Variants in THSD7B observed in about 807,000 individuals in gnomAD.
The protein encoded by THSD7B is thrombospondin type 1 domain containing 7B.
A neutral mutation model predicts 213.6 loss-of-function variants in THSD7B; 138 were observed. The ratio of observed to expected loss-of-function variants is 0.65; its 90% CI spans 0.56 to 0.74. The LOEUF (loss-of-function observed/expected upper bound fraction) is 0.74. Among genes scored for constraint, THSD7B ranks in the 30% least tolerant of loss-of-function variants. The pLI is 0.00. For synonymous variants in THSD7B, 742 were observed against 687.0 expected (o/e 1.08, Z -1.25); for missense variants, 1,931 against 1,991.5 (o/e 0.97, Z 0.58).
At chr2:137,065,840 C>G (rs367632169) in intron 3 of THSD7B, among the ~76,000 whole-genome samples, 50 of 152,212 alleles carry the variant, frequency 3.3e-4, no homozygotes, top group African/African-American at 1.1e-3. Context: ...CTGAATTGCT[C>G]TCTCCCATCC....
chr2:137,257,348 C>A (rs1003390537), intron 10 of THSD7B, among the ~76,000 whole-genome samples: 2 of 152,198 alleles, frequency 1.3e-5, no homozygotes, highest in Non-Finnish European at 2.9e-5. Context: ...CTCTTCCCTG[C>A]TCAACGGATT....
chr2:136,832,988 T>G (rs1269023025), intron 1 of THSD7B, among the ~76,000 whole-genome samples: 1 of 152,176 alleles, frequency 6.6e-6, no homozygotes, highest in African/African-American at 2.4e-5. Flanking sequence ...AAACCATCAC[T>G]CTTCTACTGA....
At chr2:137,279,454 G>T (rs1044638406) in intron 12 of THSD7B, among the ~76,000 whole-genome samples, 16 of 152,042 alleles carry the variant, frequency 1.1e-4, no homozygotes, top group African/African-American at 3.6e-4. Flanking sequence ...GAGGTGGGAG[G>T]ATTGTTTGAA....
Position 137,238,534 on chromosome 2 carries a change from C to CTTTTTTTTTTTTT in THSD7B, c.2151-3905_2151-3893dup, listed in dbSNP as rs869146863. 5.8e-5 allele frequency among the ~76,000 whole-genome samples: 3 copies of CTTTTTTTTTTTTT among 51,874 alleles called. 1 individual carries two copies. The highest frequency in any genetic ancestry group is 1.4e-4 in the African/African-American group (2 of 14,012). The allele number at this position is 51,874 out of a possible 152,430, so 34.0% of individuals were successfully genotyped here. A position where few individuals can be genotyped will look rare whatever the true frequency, so the allele number is the denominator to read the frequency against. Reference sequence around the variant, plus strand: ...TATCCTGATAATGACACTCATCTTTCTTTTTTTTTTTTTTTTTTTTTTTTT... The same window carrying CTTTTTTTTTTTTT: ...TATCCTGATAATGACACTCATCTTTCTTTTTTTTTTTTTTTTTTTTTTTTTTTTTTTTTTTTTT... On this transcript the variant is annotated intron_variant, in intron 9 of 27. Transcript: ENST00000409968.
intron 4 of THSD7B, among the ~76,000 whole-genome samples, chr2:137,099,318 T>G (rs987481380): frequency 1.3e-5 from 2 of 152,024 alleles, no homozygotes; most frequent in African/African-American, 4.8e-5. Flanking sequence ...AAATATTATA[T>G]CCCAGATCTC....
intron 2 of THSD7B, among the ~76,000 whole-genome samples, chr2:136,966,383 AGTTTTTGT>A (rs933158594): frequency 2.0e-5 from 3 of 151,950 alleles, no homozygotes; most frequent in Non-Finnish European, 2.9e-5. Context: ...ACACTCAGCT[AGTTTTTGT>A]GTTTTTGTAG....
intron 4 of THSD7B, among the ~76,000 whole-genome samples, chr2:137,098,050 A>G (rs1312796474): frequency 6.6e-6 from 1 of 152,160 alleles, no homozygotes; most frequent in Non-Finnish European, 1.5e-5. Flanking sequence ...TTGGTTTTAT[A>G]TTAGTGATTA....
intron 12 of THSD7B, among the ~76,000 whole-genome samples, chr2:137,388,293 C>T (rs575372614): frequency 6.6e-6 from 1 of 151,808 alleles, no homozygotes; most frequent in South Asian, 2.1e-4. Flanking sequence ...ACTCCCATTT[C>T]ATAGATGAGT....
At chr2:136,843,253 A>T (rs1424434837) in intron 1 of THSD7B, among the ~76,000 whole-genome samples, 1 of 152,158 alleles carries the variant, frequency 6.6e-6, no homozygotes, top group African/African-American at 2.4e-5. Context: ...ATTGGTGTCT[A>T]TTGGGAGAAA....
At chr2:137,280,727 T>A (rs1682986849) in intron 12 of THSD7B, among the ~76,000 whole-genome samples, 1 of 152,052 alleles carries the variant, frequency 6.6e-6, no homozygotes, top group African/African-American at 2.4e-5. Flanking sequence ...ACTTATATTT[T>A]ATGGCAAATA....
intron 12 of THSD7B, among the ~76,000 whole-genome samples, chr2:137,303,968 C>A: frequency 6.6e-6 from 1 of 151,320 alleles, no homozygotes; most frequent in Non-Finnish European, 1.5e-5. Flanking sequence ...AGCCCACCAC[C>A]CCCTGACAGG....
At chr2:137,290,540 C>G (rs550751877) in intron 12 of THSD7B, among the ~76,000 whole-genome samples, 9 of 152,192 alleles carry the variant, frequency 5.9e-5, no homozygotes, top group African/African-American at 2.2e-4. Context: ...ATTCTTTGAG[C>G]TTCTCCTTTT....
chr2:136,859,913 A>C (rs1683233631), intron 1 of THSD7B, among the ~76,000 whole-genome samples: 1 of 152,094 alleles, frequency 6.6e-6, no homozygotes, highest in African/African-American at 2.4e-5. Context: ...GTGGATGATG[A>C]GAGAACAGTA....
chr2:137,108,897 T>C (rs950548905), intron 4 of THSD7B, among the ~76,000 whole-genome samples: 3 of 152,148 alleles, frequency 2.0e-5, no homozygotes, highest in Non-Finnish European at 2.9e-5. Flanking sequence ...ATACGTGGTG[T>C]CCTTAATATT....
At chr2:136,801,244 T>G (rs559119170) in intron 1 of THSD7B, among the ~76,000 whole-genome samples, 2 of 152,240 alleles carry the variant, frequency 1.3e-5, no homozygotes, top group African/African-American at 4.8e-5. Flanking sequence ...AATGTTTTTC[T>G]GTTAAAATTT....
At chr2:137,501,489 T>G (rs900633991) in intron 15 of THSD7B, among the ~76,000 whole-genome samples, 7 of 152,248 alleles carry the variant, frequency 4.6e-5, no homozygotes, top group African/African-American at 7.2e-5. Context: ...AATCTCAAAA[T>G]TTTTGATTAG....
chr2:137,659,854 CATG>C, intron 25 of THSD7B, 108 bp downstream of exon 25: 2 of 1,005,448 alleles, frequency 2.0e-6, no homozygotes, highest in Non-Finnish European at 2.9e-6. Flanking sequence ...TCCACGTGCC[CATG>C]ATACCATCTA....
chr2:136,810,490 G>T (rs1224009693), intron 1 of THSD7B, among the ~76,000 whole-genome samples: 2 of 152,190 alleles, frequency 1.3e-5, no homozygotes, highest in East Asian at 3.9e-4. Flanking sequence ...TGAAGATAAT[G>T]TCTTGTCCAA....
chr2:136,860,121 C>T (rs536933512), intron 1 of THSD7B, among the ~76,000 whole-genome samples: 4 of 151,016 alleles, frequency 2.6e-5, no homozygotes, highest in African/African-American at 9.7e-5. Flanking sequence ...GGGTTCACGC[C>T]ATTCTCCTGC....
Sources: allele counts gnomAD v4.1 joint callset (sites outside exome capture counted in the v4.1 genomes callset), GRCh38; gene constraint gnomAD v4.1.1; transcripts MANE v1.5; gene names NCBI Gene and HGNC (gene_info 2026-07-23, HGNC 2026-07-21).